EYS: variants seen among roughly 807,000 people sequenced by gnomAD.
EYS encodes the protein protein eyes shut homolog.
Under a neutral mutation model 282.1 loss-of-function variants are expected in EYS, and 250 were observed. The observed-to-expected ratio is 0.89, with a 90% CI of 0.80 to 0.98. The LOEUF (loss-of-function observed/expected upper bound fraction) is 0.98, where lower values mean the gene tolerates loss of function less well. EYS is among the 50% of genes least tolerant of loss of function. EYS has a pLI of 0.00. For synonymous variants in EYS, 1,355 were observed against 1,282.9 expected (o/e 1.06, Z -1.20); for missense variants, 4,016 against 3,709.0 (o/e 1.08, Z -2.15).
At chr6:65,626,842 G>A (rs779587213) in intron 2 of EYS, among the ~76,000 whole-genome samples, 4 of 151,258 alleles carry the variant, frequency 2.6e-5, no homozygotes, top group Non-Finnish European at 5.9e-5. Flanking sequence ...TTTATGTATT[G>A]TATGGACTCA....
At chr6:65,186,913 T>C (rs566307356) in intron 12 of EYS, among the ~76,000 whole-genome samples, 14 of 151,906 alleles carry the variant, frequency 9.2e-5, no homozygotes, top group Non-Finnish European at 1.3e-4. Flanking sequence ...GAAAATATGC[T>C]GAGGCAAGTA....
intron 28 of EYS, among the ~76,000 whole-genome samples, chr6:64,415,562 ATGAG>A (rs1429005913): frequency 6.6e-6 from 1 of 152,152 alleles, no homozygotes; most frequent in East Asian, 1.9e-4. Context: ...TGTGTTATGA[ATGAG>A]TCTGAGGCCC....
Position 65,035,009 on chromosome 6 carries a change from C to T in EYS, c.2137+22605G>A, listed in dbSNP as rs1260882255. Among the ~76,000 whole-genome samples the T allele has an allele frequency of 4.6e-5, 7 of 152,216 alleles. No homozygotes were observed. The South Asian group carries it at 1.0e-3, about 23-fold the overall frequency. On this transcript the variant is annotated intron_variant, in intron 13 of 42. Coordinates refer to ENST00000503581, the MANE Select transcript of EYS (RefSeq NM_001142800.2). ...TTTAGTACCACATCAAAGAGCTAAT[C>T]CACCACAGTCAAGTAGGCCATATTC...
chr6:65,349,514 A>T (rs1477062765), intron 9 of EYS, among the ~76,000 whole-genome samples: 1 of 151,482 alleles, frequency 6.6e-6, no homozygotes, highest in Non-Finnish European at 1.5e-5. Context: ...TATTATTTTA[A>T]GTTTACAGAT....
intron 8 of EYS, among the ~76,000 whole-genome samples, chr6:65,354,175 C>T (rs1209536870): frequency 6.6e-6 from 1 of 152,074 alleles, no homozygotes; most frequent in Non-Finnish European, 1.5e-5. Context: ...ACATTGAGGT[C>T]ATCACTAAGT....
At chr6:65,129,246 C>T (rs986667182) in intron 12 of EYS, among the ~76,000 whole-genome samples, 5 of 151,798 alleles carry the variant, frequency 3.3e-5, no homozygotes, top group Admixed American at 6.6e-5. Context: ...ATATCCTTTT[C>T]AATATTGGTC....
At chr6:65,067,495 A>G (rs951738266) in intron 12 of EYS, among the ~76,000 whole-genome samples, 1 of 152,148 alleles carries the variant, frequency 6.6e-6, no homozygotes, top group Non-Finnish European at 1.5e-5. Context: ...GTGCTTTAGA[A>G]TGTATAAAAT....
chr6:65,329,723 G>T (rs1243199918), intron 11 of EYS: 2 of 973,422 alleles, frequency 2.1e-6, no homozygotes, highest in Non-Finnish European at 2.4e-6. Flanking sequence ...AATTACAATA[G>T]TCTTAGAATA....
At chr6:63,877,503 T>A (rs1366589749) in intron 35 of EYS, among the ~76,000 whole-genome samples, 1 of 152,220 alleles carries the variant, frequency 6.6e-6, no homozygotes, top group Admixed American at 6.5e-5. Context: ...ATTTCCTGAA[T>A]TTGACTGTTG....
intron 35 of EYS, among the ~76,000 whole-genome samples, chr6:63,947,365 G>A (rs1041333281): frequency 6.6e-6 from 1 of 151,480 alleles, no homozygotes; most frequent in Non-Finnish European, 1.5e-5. Context: ...GCATTAAAAA[G>A]TACTAAGAAA....
intron 26 of EYS, among the ~76,000 whole-genome samples, chr6:64,483,657 T>C (rs1327421974): frequency 6.6e-6 from 1 of 151,606 alleles, no homozygotes; most frequent in African/African-American, 2.4e-5. Flanking sequence ...TGCCCCAATC[T>C]AGTGCCAATA....
chr6:63,902,546 G>T (rs1297535039), intron 35 of EYS, among the ~76,000 whole-genome samples: 1 of 151,498 alleles, frequency 6.6e-6, no homozygotes, highest in Non-Finnish European at 1.5e-5. Context: ...GTATTTTTTG[G>T]GTTACAACAT....
At chr6:63,989,874 C>T (rs1043746283) in intron 34 of EYS, among the ~76,000 whole-genome samples, 1 of 151,452 alleles carries the variant, frequency 6.6e-6, no homozygotes, top group Non-Finnish European at 1.5e-5. Context: ...AGGACAGTAG[C>T]TCACACAAGG....
At chr6:64,487,506 T>C (rs923752157) in intron 26 of EYS, among the ~76,000 whole-genome samples, 2 of 151,096 alleles carry the variant, frequency 1.3e-5, no homozygotes, top group African/African-American at 2.4e-5. Context: ...TTAAAATGTA[T>C]ATTAAAATAT....
chr6:64,635,495 C>T (rs896261225), intron 22 of EYS, among the ~76,000 whole-genome samples: 3 of 152,058 alleles, frequency 2.0e-5, no homozygotes, highest in African/African-American at 4.8e-5. Flanking sequence ...GAGATATGTC[C>T]CATCAATACC....
At position 63,870,515 on chromosome 6, in the gene EYS, T is replaced by G. The variant is rs543109198; in HGVS notation, c.7056-6157A>C. 3.9e-5 allele frequency among the ~76,000 whole-genome samples: 6 copies of G among 152,332 alleles called. No homozygotes were observed. In the South Asian group the frequency reaches 1.2e-3, roughly 32 times the overall value. ...CCTTTATGGGTATTCCTATGTTGAATTTGCAATGAGAATTTAATTTTTTTT... is the reference window on the plus strand; with the variant it reads ...CCTTTATGGGTATTCCTATGTTGAAGTTGCAATGAGAATTTAATTTTTTTT... On this transcript the variant is annotated intron_variant, in intron 35 of 42. Coordinates refer to ENST00000503581, the MANE Select transcript of EYS (RefSeq NM_001142800.2).
At chr6:64,122,668 AAAATG>A (rs1773628815) in intron 31 of EYS, among the ~76,000 whole-genome samples, 1 of 152,174 alleles carries the variant, frequency 6.6e-6, no homozygotes, top group African/African-American at 2.4e-5. Flanking sequence ...ATATGTTAAA[AAAATG>A]AAATAATATT....
chr6:65,328,004 T>A (rs1253678308), intron 11 of EYS, among the ~76,000 whole-genome samples: 1 of 151,506 alleles, frequency 6.6e-6, no homozygotes, highest in Non-Finnish European at 1.5e-5. Context: ...GTAAAAATAT[T>A]TCATGCCAAT....
At chr6:64,525,580 A>T (rs192995871) in intron 26 of EYS, among the ~76,000 whole-genome samples, 4,067 of 151,864 alleles carry the variant, frequency 0.027, 82 homozygotes, top group Middle Eastern at 0.061. Flanking sequence ...TACTGGGCTT[A>T]GTACCTGGGT....
Sources: gnomAD v4.1 joint callset for allele counts (sites outside exome capture counted in the v4.1 genomes callset) on GRCh38, gnomAD v4.1.1 for gene constraint, MANE v1.5 for transcripts, NCBI Gene and HGNC (gene_info 2026-07-23, HGNC 2026-07-21) for gene names.